TUBD1: variants seen among roughly 807,000 people sequenced by gnomAD.
TUBD1 encodes tubulin delta chain.
In TUBD1, 38 loss-of-function variants were observed where a neutral mutation model predicts 51.2. The observed-to-expected ratio is 0.74, with a 90% CI of 0.57 to 0.97. TUBD1 has a LOEUF of 0.97. Ranked by LOEUF, TUBD1 falls within the 50% of genes least tolerant of loss-of-function variation. The pLI, the probability that TUBD1 is intolerant of heterozygous loss-of-function variation, is 0.00. For missense variants in TUBD1, 489 were observed against 538.4 expected (o/e 0.91, Z 0.91); for synonymous variants, 169 against 178.2 (o/e 0.95, Z 0.41).
intron 3 of TUBD1, among the ~76,000 whole-genome samples, chr17:59,882,261 TCTC>T (rs1186033588): frequency 6.6e-6 from 1 of 152,026 alleles, no homozygotes; most frequent in Admixed American, 6.6e-5. Context: ...TAGGCTATTT[TCTC>T]CTTTTTTATT....
chr17:59,867,653 A>G (rs1300728453), intron 6 of TUBD1, among the ~76,000 whole-genome samples: 1 of 152,034 alleles, frequency 6.6e-6, no homozygotes, highest in South Asian at 2.1e-4. Context: ...CTGCCACTGC[A>G]CTCCAGCCTG....
chr17:59,873,689 C>T (rs1357596418), intron 6 of TUBD1, among the ~76,000 whole-genome samples: 4 of 151,538 alleles, frequency 2.6e-5, no homozygotes. Flanking sequence ...ATGGTGAAAC[C>T]TCATCTCTAC....
At chr17:59,873,676 A>AATATGGTG (rs762615489) in intron 6 of TUBD1, among the ~76,000 whole-genome samples, 75 of 152,058 alleles carry the variant, frequency 4.9e-4, no homozygotes, top group Non-Finnish European at 9.7e-4. Flanking sequence ...CAGCCTGGCC[A>AATATGGTG]ATATGGTGAA....
chr17:59,880,926 T>C lies in TUBD1; in HGVS notation c.505A>G (p.Asn169Asp), dbSNP rs1478305972. Reference protein sequence around the residue: ...EDQYSNSLKMNQIIWPYGTGE... With the variant: ...EDQYSNSLKMDQIIWPYGTGE... ...GTTCCATAAGGCCAAATAATCTGAT[T>C]CATTTTCAATGAGTTTGAGTACTGA... Residue 169 changes from asparagine (N) to aspartate (D), a missense_variant, in exon 4 of 9, where the codon AAT becomes GAT. By Grantham distance (23) the Asn-to-Asp change is conservative. Coordinates refer to ENST00000325752, the MANE Select transcript of TUBD1 (RefSeq NM_016261.4). The C allele has an allele frequency of 6.2e-7, 1 of 1,614,140 alleles. No individual in the cohort carries two copies. The highest frequency in any genetic ancestry group is 8.5e-7 in the Non-Finnish European group (1 of 1,180,014).
At chr17:59,868,543 G>T (rs1312468551) in intron 6 of TUBD1, among the ~76,000 whole-genome samples, 4 of 151,244 alleles carry the variant, frequency 2.6e-5, no homozygotes, top group Admixed American at 6.6e-5. Flanking sequence ...AAAAATAAAA[G>T]AAATAACAAA....
intron 1 of TUBD1, among the ~76,000 whole-genome samples, chr17:59,892,337 T>G (rs1458620022): frequency 2.0e-5 from 3 of 152,202 alleles, no homozygotes; most frequent in Non-Finnish European, 4.4e-5. Context: ...AGCCCAGGGA[T>G]TCCAGACCAG....
chr17:59,879,372 T>C (rs1372039248), intron 4 of TUBD1, among the ~76,000 whole-genome samples: 7 of 152,050 alleles, frequency 4.6e-5, no homozygotes, highest in African/African-American at 1.7e-4. Context: ...GGTCAAGGTG[T>C]CTGCTTTATG....
At chr17:59,872,408 T>C (rs1015818364) in intron 6 of TUBD1, among the ~76,000 whole-genome samples, 7 of 152,102 alleles carry the variant, frequency 4.6e-5, no homozygotes, top group Non-Finnish European at 1.0e-4. Flanking sequence ...GATTCATTTT[T>C]TTACAGAAAA....
chr17:59,874,739 T>TA, intron 5 of TUBD1, 36 bp from the exon 6 acceptor site: 2 of 1,565,902 alleles, frequency 1.3e-6, no homozygotes, highest in Non-Finnish European at 1.7e-6. Context: ...AATTTTTTTT[T>TA]ATTCTACATT....
chr17:59,874,722 C>T lies in TUBD1; in HGVS notation c.770-19G>A. On this transcript the variant is annotated intron_variant, in intron 5 of 8. Coordinates refer to ENST00000325752, the MANE Select transcript of TUBD1 (RefSeq NM_016261.4). ...AAGTCTCCTGTAAAGAAAAAAAAAT[C>T]TGAACTAATTTTTTTTTATTCTACA... is the stretch of plus-strand genomic sequence containing the variant. 6.3e-7 allele frequency: 1 copy of T among 1,591,194 alleles called. No homozygotes were observed.
At chr17:59,885,756 G>C (rs1272122071) in intron 3 of TUBD1, among the ~76,000 whole-genome samples, 1 of 152,218 alleles carries the variant, frequency 6.6e-6, no homozygotes, top group African/African-American at 2.4e-5. Context: ...GTGCAGCAAA[G>C]TTTGGGAACT....
At chr17:59,890,694 C>A in intron 2 of TUBD1, 137 bp downstream of exon 2, 1 of 714,728 alleles carries the variant, frequency 1.4e-6, no homozygotes. Context: ...AGATTATTAA[C>A]ATAGAAATGA....
chr17:59,870,352 CAG>C (rs1416580139), intron 6 of TUBD1, among the ~76,000 whole-genome samples: 1 of 115,616 alleles, frequency 8.6e-6, no homozygotes, highest in Non-Finnish European at 1.6e-5. Context: ...TCTTAGGCGA[CAG>C]AGTGTGACTC....
intron 6 of TUBD1, among the ~76,000 whole-genome samples, chr17:59,870,270 G>A (rs565127077): frequency 4.0e-4 from 60 of 148,480 alleles, no homozygotes; most frequent in Admixed American, 6.9e-4. Context: ...TTGGAATTCC[G>A]ACTAAGGTGG....
intron 8 of TUBD1, 87 bp from the exon 9 acceptor site, chr17:59,860,511 T>TAGCTGATG (rs1477259872): frequency 1.3e-6 from 1 of 786,858 alleles, no homozygotes; most frequent in African/African-American, 1.8e-5. Context: ...AGACCTTTTC[T>TAGCTGATG]AGCTGATGAA....
chr17:59,862,526 T>G (rs185348651), intron 8 of TUBD1, among the ~76,000 whole-genome samples: 1 of 151,796 alleles, frequency 6.6e-6, no homozygotes, highest in Non-Finnish European at 1.5e-5. Flanking sequence ...CCAAGAATCT[T>G]ATGTTTTTTA....
At chr17:59,862,755 C>T (rs1361169606) in intron 8 of TUBD1, among the ~76,000 whole-genome samples, 4 of 116,210 alleles carry the variant, frequency 3.4e-5, no homozygotes, top group African/African-American at 6.9e-5. Context: ...GACGGAGTCT[C>T]GCTCTGTCGC....
chr17:59,872,064 C>T lies in TUBD1; in HGVS notation c.934+2475G>A, dbSNP rs149857806. 3.7e-3 allele frequency among the ~76,000 whole-genome samples: 569 copies of T among 152,262 alleles called. 3 individuals carry two copies. Among genetic ancestry groups the T allele is most frequent in the African/African-American group, 0.013 (547 of 41,564 alleles). The stretch of plus-strand genomic sequence containing the variant: ...TGCCTCCTGAGTTCAAGCCACTCTC[C>T]TGCCTCAGCCTCTTGGGTAGCTGGG... On this transcript the variant is annotated intron_variant, in intron 6 of 8. Coordinates refer to ENST00000325752, the MANE Select transcript of TUBD1 (RefSeq NM_016261.4).
At chr17:59,869,223 C>T (rs991935218) in intron 6 of TUBD1, among the ~76,000 whole-genome samples, 1 of 151,750 alleles carries the variant, frequency 6.6e-6, no homozygotes, top group African/African-American at 2.4e-5. Context: ...TGCCTATAAT[C>T]CCAGAACTTT....
Sources: gnomAD v4.1 joint callset for allele counts (sites outside exome capture counted in the v4.1 genomes callset) on GRCh38, gnomAD v4.1.1 for gene constraint, MANE v1.5 for transcripts, NCBI Gene and HGNC (gene_info 2026-07-23, HGNC 2026-07-21) for gene names.